The following DYSF variants were observed in gnomAD, a reference collection of about 807,000 sequenced individuals.
DYSF encodes the protein dysferlin, also known as dystrophy-associated fer-1-like 1.
Under a neutral mutation model 274.9 loss-of-function variants are expected in DYSF, and 212 were observed. The observed-to-expected ratio is 0.77, with a 90% CI of 0.69 to 0.86. The LOEUF (loss-of-function observed/expected upper bound fraction) is 0.86, where lower values mean the gene tolerates loss of function less well. Among genes scored for constraint, DYSF ranks in the 40% least tolerant of loss-of-function variants. DYSF has a pLI of 0.00. For synonymous variants in DYSF, 1,091 were observed against 1,078.7 expected, an observed-to-expected ratio of 1.01 and a Z score of -0.22; for missense variants, 2,666 against 2,783.2, an observed-to-expected ratio of 0.96 and a Z score of 0.95.
chr2:71,571,468 C>G lies in DYSF; in HGVS notation c.3228+727C>G, dbSNP rs1319026026. On this transcript the variant is annotated intron_variant, in intron 29 of 55. Transcript: ENST00000410020. Reference sequence around the variant, plus strand: ...ACCCAGCACACACACAGATCACACCCAGCACACACACATCACACCCAGCAC... The same window carrying G: ...ACCCAGCACACACACAGATCACACCGAGCACACACACATCACACCCAGCAC... 3.2e-4 allele frequency among the ~76,000 whole-genome samples: 43 copies of G among 133,304 alleles called. 1 individual carries two copies. The highest frequency in any genetic ancestry group is 5.5e-4 in the Non-Finnish European group (35 of 63,740). 87.5% of individuals were successfully genotyped at this position (133,304 alleles called of 152,430 possible).
chr2:71,650,605 A>G (rs2094639429), intron 42 of DYSF, among the ~76,000 whole-genome samples: 1 of 152,244 alleles, frequency 6.6e-6, no homozygotes, highest in Non-Finnish European at 1.5e-5. Context: ...CACTTTTACT[A>G]CAATTGACCA....
intron 24 of DYSF, among the ~76,000 whole-genome samples, chr2:71,565,859 C>G (rs562444954): frequency 6.6e-6 from 1 of 152,318 alleles, no homozygotes; most frequent in South Asian, 2.1e-4. Flanking sequence ...ACTAAGTGAT[C>G]AATGGATGTT....
At chr2:71,618,253 C>T (rs768900370) in intron 40 of DYSF, among the ~76,000 whole-genome samples, 16 of 5,166 alleles carry the variant, frequency 3.1e-3, no homozygotes, top group South Asian at 6.6e-3. Flanking sequence ...GTAGAGGTGG[C>T]GTGTGTGGTA....
chr2:71,553,752 A>AAACACCCCCCCCCCCCCCAACACG, intron 20 of DYSF, 55 bp from the exon 21 acceptor site: 1 of 267,804 alleles, frequency 3.7e-6, no homozygotes, highest in Non-Finnish European at 6.7e-6. Flanking sequence ...TTAGCACCCC[A>AAACACCCCCCCCCCCCCCAACACG]TCCCACCCGC....
chr2:71,570,688 C>T lies in DYSF; in HGVS notation c.3175C>T (p.Arg1059Cys), dbSNP rs144598063. Reference sequence around the variant, plus strand: ...GATGTACTACACACACCGACGGCGGCGCTGGGTGCGCCTGCGCAGGAGGGA... The same window carrying T: ...GATGTACTACACACACCGACGGCGGTGCTGGGTGCGCCTGCGCAGGAGGGA... Reference protein sequence around the residue: ...EKMYYTHRRRRWVRLRRRDLS... With the variant: ...EKMYYTHRRRCWVRLRRRDLS... Residue 1059 changes from arginine (R) to cysteine (C), a missense_variant, in exon 29 of 56, where the codon CGC becomes TGC. Coordinates refer to ENST00000410020, the MANE Select transcript of DYSF (RefSeq NM_001130987.2). The T allele has an allele frequency of 2.1e-4, 332 of 1,613,926 alleles. 1 individual carries two copies. Among genetic ancestry groups the T allele is most frequent in the Non-Finnish European group, 2.6e-4 (310 of 1,179,972 alleles).
intron 30 of DYSF, among the ~76,000 whole-genome samples, chr2:71,574,911 C>T (rs879671477): frequency 2.0e-5 from 3 of 151,916 alleles, no homozygotes; most frequent in South Asian, 2.1e-4. Flanking sequence ...TCTCCAGGGC[C>T]GGGGTGACGG....
chr2:71,496,837 T>C (rs1171771107), intron 3 of DYSF, among the ~76,000 whole-genome samples: 1 of 152,148 alleles, frequency 6.6e-6, no homozygotes, highest in African/African-American at 2.4e-5. Flanking sequence ...ATGGGCCAGG[T>C]CAAATGTATA....
chr2:71,653,645 C>T (rs13016579), intron 42 of DYSF, among the ~76,000 whole-genome samples: 2 of 119,700 alleles, frequency 1.7e-5, no homozygotes, highest in Non-Finnish European at 3.2e-5. Flanking sequence ...GAACATCACA[C>T]TCTGGGGCCT....
chr2:71,608,769 GA>G (rs1420274545), intron 36 of DYSF, among the ~76,000 whole-genome samples: 1 of 152,176 alleles, frequency 6.6e-6, no homozygotes, highest in African/African-American at 2.4e-5. Context: ...GGAAATGAGG[GA>G]TAAAGTGGAT....
At chr2:71,640,020 C>T (rs1327740940) in intron 41 of DYSF, among the ~76,000 whole-genome samples, 3 of 152,188 alleles carry the variant, frequency 2.0e-5, no homozygotes, top group Non-Finnish European at 4.4e-5. Flanking sequence ...CAAACTGATA[C>T]TATTATTTTT....
At chr2:71,582,334 C>T (rs1188681657) in intron 30 of DYSF, among the ~76,000 whole-genome samples, 1 of 152,120 alleles carries the variant, frequency 6.6e-6, no homozygotes, top group Non-Finnish European at 1.5e-5. Context: ...TGCCTTCTGC[C>T]CTGTCCACAT....
chr2:71,665,132 T>A (rs759008235), intron 46 of DYSF, 30 bp from the exon 47 acceptor site: 32 of 1,612,600 alleles, frequency 2.0e-5, no homozygotes, highest in Non-Finnish European at 1.7e-6. Context: ...CCTTGAAGCA[T>A]CTCATCTATG....
intron 21 of DYSF, among the ~76,000 whole-genome samples, chr2:71,555,186 G>A (rs1426979934): frequency 6.6e-6 from 1 of 152,182 alleles, no homozygotes; most frequent in East Asian, 1.9e-4. Context: ...AGAACATGGA[G>A]TTGATGCTAT....
intron 3 of DYSF, among the ~76,000 whole-genome samples, chr2:71,491,526 A>G (rs1238286423): frequency 6.6e-6 from 1 of 152,224 alleles, no homozygotes; most frequent in Non-Finnish European, 1.5e-5. Flanking sequence ...CATTAAGCCT[A>G]GGACCCATTG....
intron 55 of DYSF, among the ~76,000 whole-genome samples, chr2:71,685,881 T>A (rs550882587): frequency 6.6e-6 from 1 of 152,260 alleles, no homozygotes; most frequent in Admixed American, 6.5e-5. Context: ...ATACTGTCAA[T>A]CCTGCAGCAG....
At chr2:71,639,607 G>T (rs1035384776) in intron 41 of DYSF, among the ~76,000 whole-genome samples, 4 of 152,108 alleles carry the variant, frequency 2.6e-5, no homozygotes, top group African/African-American at 9.7e-5. Flanking sequence ...TCATATGGAG[G>T]TACCGTTCAG....
intron 41 of DYSF, among the ~76,000 whole-genome samples, chr2:71,624,707 A>T (rs900780453): frequency 6.6e-6 from 1 of 152,202 alleles, no homozygotes; most frequent in Non-Finnish European, 1.5e-5. Context: ...GTGAAATTGT[A>T]TCTATGGTTT....
At chr2:71,535,436 C>CTAT in intron 16 of DYSF, 125 bp downstream of exon 16, 1 of 1,035,918 alleles carries the variant, frequency 9.7e-7, no homozygotes, top group Admixed American at 1.7e-5. Flanking sequence ...GAGGTAATGT[C>CTAT]CCCTTGGGGT....
intron 51 of DYSF, among the ~76,000 whole-genome samples, chr2:71,672,791 A>G (rs1481492567): frequency 6.6e-6 from 1 of 152,182 alleles, no homozygotes; most frequent in Non-Finnish European, 1.5e-5. Flanking sequence ...AGCTCGCCAG[A>G]GGAGGGAGGC....
Sources: gnomAD v4.1 joint callset for allele counts (sites outside exome capture counted in the v4.1 genomes callset) on GRCh38, gnomAD v4.1.1 for gene constraint, MANE v1.5 for transcripts, NCBI Gene and HGNC (gene_info 2026-07-23, HGNC 2026-07-21) for gene names.